Variants in HAS3 observed in about 807,000 individuals in gnomAD.
HAS3 encodes hyaluronan synthase 3.
A neutral mutation model predicts 50.3 loss-of-function variants in HAS3; 27 were observed. The ratio of observed to expected loss-of-function variants is 0.54; its 90% CI spans 0.40 to 0.74. HAS3 has a LOEUF of 0.74. Ranked by LOEUF, HAS3 falls within the 30% of genes least tolerant of loss-of-function variation. The pLI, the probability that HAS3 is intolerant of heterozygous loss-of-function variation, is 0.00. For missense variants in HAS3, 517 were observed against 742.8 expected (o/e 0.70, Z 3.53); for synonymous variants, 339 against 310.9 (o/e 1.09, Z -0.95).
In HAS3 at chr16:69,115,350, G is replaced by T; in HGVS notation, c.*84G>T. ...AGAGAAAAGACAGGGTGGGAGGGAGGAGGGAGTGCTGTGTTTTAGTCTCTT... is the reference window on the plus strand; with the variant it reads ...AGAGAAAAGACAGGGTGGGAGGGAGTAGGGAGTGCTGTGTTTTAGTCTCTT... On this transcript the variant is annotated 3_prime_UTR_variant, in exon 4 of 4. Transcript: ENST00000569188. The T allele has an allele frequency of 6.8e-7, 1 of 1,461,112 alleles. No homozygotes were observed. The highest frequency in any genetic ancestry group is 2.6e-5 in the Admixed American group (1 of 37,804). 90.5% of individuals were successfully genotyped at this position (1,461,112 alleles called of 1,614,324 possible).
At chr16:69,099,661 A>G in the HAS3 span, among the ~76,000 whole-genome samples, 1 of 152,230 alleles carries the variant, frequency 6.6e-6, no homozygotes, top group Non-Finnish European at 1.5e-5. Flanking sequence ...AACAACATAA[A>G]TGCAGGTATG....
the HAS3 span, among the ~76,000 whole-genome samples, chr16:69,090,578 T>C: frequency 6.6e-6 from 1 of 152,040 alleles, no homozygotes; most frequent in African/African-American, 2.4e-5. Flanking sequence ...TGAGCTAATT[T>C]TTTTTTTTAG....
rs1156372524 is a variant in HAS3 at position 69,115,651 on chromosome 16, C to T, written c.*385C>T. ...GGCAACCTGCGGAAGGAGGTTCTCC[C>T]AGCCCATCTGAACACAACCAGAGGT... is the stretch of plus-strand genomic sequence containing the variant. On this transcript the variant is annotated 3_prime_UTR_variant, in exon 4 of 4. Transcript: ENST00000569188. 2 of 1,001,634 alleles carry T rather than the reference C, an allele frequency of 2.0e-6. No homozygotes were observed. Among genetic ancestry groups the T allele is most frequent in the African/African-American group, 1.7e-5 (1 of 57,690 alleles). 62.0% of individuals were successfully genotyped at this position (1,001,634 alleles called of 1,614,324 possible). A position where few individuals can be genotyped will look rare whatever the true frequency, so the allele number is the denominator to read the frequency against.
At chr16:69,096,078 C>T in the HAS3 span, among the ~76,000 whole-genome samples, 10 of 150,832 alleles carry the variant, frequency 6.6e-5, no homozygotes, top group African/African-American at 2.4e-4. Context: ...TAGCCGGGCA[C>T]ACTGGTGCGT....
At chr16:69,105,341 A>C (rs1960762755), upstream of HAS3, among the ~76,000 whole-genome samples, 1 of 150,190 alleles carries the variant, frequency 6.7e-6, no homozygotes, top group Admixed American at 6.7e-5. Flanking sequence ...CCTCGATCTC[A>C]CCCCACCCCA....
At chr16:69,111,157 A>ATTTTTTTTTTTTTTTT (rs71148963) in intron 2 of HAS3, among the ~76,000 whole-genome samples, 2 of 62,304 alleles carry the variant, frequency 3.2e-5, no homozygotes, top group African/African-American at 7.3e-5. Flanking sequence ...CTAGGCCAGG[A>ATTTTTTTTTTTTTTTT]TTTTTTTTTT....
At chr16:69,083,748 C>T in the HAS3 span, 5 of 1,418,084 alleles carry the variant, frequency 3.5e-6, no homozygotes, top group Non-Finnish European at 4.7e-6. Context: ...CCTGCTGCCT[C>T]TTGAGTGCTG....
the HAS3 span, among the ~76,000 whole-genome samples, chr16:69,099,060 T>G: frequency 6.6e-6 from 1 of 151,730 alleles, no homozygotes; most frequent in African/African-American, 2.4e-5. Context: ...AAGCTCCGCC[T>G]CCCGGCTTCA....
At position 69,115,394 on chromosome 16, in the gene HAS3, T is replaced by C. The variant is rs1006188234; in HGVS notation, c.*128T>C. The C allele has an allele frequency of 2.2e-6, 3 of 1,393,034 alleles. No homozygotes were observed. The highest frequency in any genetic ancestry group is 1.8e-5 in the South Asian group (1 of 55,230). 86.3% of individuals were successfully genotyped at this position (1,393,034 alleles called of 1,614,324 possible). On this transcript the variant is annotated 3_prime_UTR_variant, in exon 4 of 4. Transcript: ENST00000569188. ...GTCTCTTAATGGTCCAAAGGACAAA[T>C]CTAAAATGCAAAGAACGGTGATGTA...
downstream of HAS3, chr16:69,117,938 A>C (rs1249191433): frequency 4.7e-6 from 1 of 212,852 alleles, no homozygotes; most frequent in African/African-American, 2.3e-5. Context: ...ACTGTAGCCA[A>C]GCTGAAACAA....
the HAS3 span, among the ~76,000 whole-genome samples, chr16:69,098,662 A>ATTTTTTTT: frequency 2.0e-5 from 2 of 98,192 alleles, no homozygotes; most frequent in African/African-American, 8.2e-5. Flanking sequence ...ATCAAACCTG[A>ATTTTTTTT]TTTTTTTTTT....
rs926961945 is a variant in HAS3 at position 69,106,132 on chromosome 16, G to A, written c.-1+345G>A. On this transcript the variant is annotated intron_variant, in intron 1 of 3. Coordinates refer to ENST00000569188, the MANE Select transcript of HAS3 (RefSeq NM_001199280.2). This position sits in a 1 kb window ranked among gnomAD's most constrained non-coding sequence, Gnocchi z 5.5. ...CGCCCGCGGGGGCCCTCCCACTCTG[G>A]TCAACTTTCCCGGCCCCAGGGCCGG... 1.3e-5 allele frequency: 2 copies of A among 152,110 alleles called. No individual in the cohort carries two copies. The highest frequency in any genetic ancestry group is 2.9e-5 in the Non-Finnish European group (2 of 68,034). 9.4% of individuals were successfully genotyped at this position (152,110 alleles called of 1,614,324 possible).
chr16:69,084,316 G>C, the HAS3 span: 3 of 152,342 alleles, frequency 2.0e-5, no homozygotes, highest in Non-Finnish European at 2.9e-5. Flanking sequence ...GACTCTTCCA[G>C]AGAAGAAGGG....
In HAS3 at chr16:69,114,900, C is replaced by T; in HGVS notation, c.1296C>T (p.Gly432=). The T allele has an allele frequency of 1.2e-6, 2 of 1,614,116 alleles. No homozygotes were observed. The highest frequency in any genetic ancestry group is 1.7e-6 in the Non-Finnish European group (2 of 1,180,034). The change falls in exon 4 of 4, where the codon GGC becomes GGT. Residue 432 remains glycine, a synonymous_variant. Coordinates refer to ENST00000569188, the MANE Select transcript of HAS3 (RefSeq NM_001199280.2). This position sits in a 1 kb window ranked among gnomAD's most constrained non-coding sequence, Gnocchi z 6.4. Reference sequence around the variant, plus strand: ...CCACCTACGCCTGCTTCCTTCGGGGCAATGCAGAGATGATCTTCATGTCCC... The same window carrying T: ...CCACCTACGCCTGCTTCCTTCGGGGTAATGCAGAGATGATCTTCATGTCCC... ...IKATYACFLR[G]NAEMIFMSLY... is the part of the protein sequence containing the mutation.
the HAS3 span, among the ~76,000 whole-genome samples, chr16:69,097,754 C>T: frequency 6.6e-6 from 1 of 152,170 alleles, no homozygotes; most frequent in Non-Finnish European, 1.5e-5. Context: ...GTGCCTCCCC[C>T]TCTTGCCCAG....
Position 69,115,483 on chromosome 16 carries a change from GA to G in HAS3, c.*218del. ...ATCCCCCAGATGCAGGGCTGCAGGG[GA>G]TTCTGTGTTTTCAGACTGCCTGTCT... On this transcript the variant is annotated 3_prime_UTR_variant, in exon 4 of 4. Coordinates refer to ENST00000569188, the MANE Select transcript of HAS3 (RefSeq NM_001199280.2). 1.6e-5 allele frequency: 20 copies of G among 1,265,960 alleles called. No individual in the cohort carries two copies. The highest frequency in any genetic ancestry group is 1.9e-5 in the Non-Finnish European group (19 of 1,008,212). 78.4% of individuals were successfully genotyped at this position (1,265,960 alleles called of 1,614,324 possible). A position where few individuals can be genotyped will look rare whatever the true frequency, so the allele number is the denominator to read the frequency against.
chr16:69,115,095 C>T lies in HAS3; in HGVS notation c.1491C>T (p.Tyr497=). ...WVAVLLGGLA[Y]TAYCQDLFSE... ...CAGTTCTCCTGGGAGGGCTGGCCTA[C>T]ACAGCTTATTGCCAGGACCTGTTCA... Residue 497 remains tyrosine (Y), a synonymous_variant, in exon 4 of 4, where the codon TAC becomes TAT. Coordinates refer to ENST00000569188, the MANE Select transcript of HAS3 (RefSeq NM_001199280.2). 3 of 1,612,876 alleles carry T rather than the reference C, an allele frequency of 1.9e-6. No homozygotes were observed. Among genetic ancestry groups the T allele is most frequent in the Non-Finnish European group, 2.5e-6 (3 of 1,179,304 alleles).
At position 69,107,755 on chromosome 16, in the gene HAS3, T is replaced by A. The variant is rs1370436422; in HGVS notation, c.1-1641T>A. 7.5e-5 allele frequency: 71 copies of A among 942,838 alleles called. No individual in the cohort carries two copies. Among genetic ancestry groups the A allele is most frequent in the Non-Finnish European group, 8.7e-5 (69 of 791,074 alleles). The allele number at this position is 942,838 out of a possible 1,614,324, so 58.4% of individuals were successfully genotyped here. On this transcript the variant is annotated intron_variant, in intron 1 of 3. Coordinates refer to ENST00000569188, the MANE Select transcript of HAS3 (RefSeq NM_001199280.2). The surrounding 1 kb of genome is among the most constrained non-coding windows in gnomAD (Gnocchi z 5.5). ...CTGCGGATGCAGGCCTGGGGACTCC[T>A]GGGCCGCAGGCGCGAGCAGTAGGGT... is the stretch of plus-strand genomic sequence containing the variant.
At chr16:69,096,534 CAAAAAAAAAAA>C in the HAS3 span, among the ~76,000 whole-genome samples, 322 of 35,350 alleles carry the variant, frequency 9.1e-3, no homozygotes, top group African/African-American at 0.036. Flanking sequence ...GACTCTGTCT[CAAAAAAAAAAA>C]AAAAAAAAAA....
Sources: gnomAD v4.1 joint callset for allele counts (sites outside exome capture counted in the v4.1 genomes callset) on GRCh38, gnomAD v4.1.1 for gene constraint, Gnocchi (gnomAD v3.1) non-coding constraint, MANE v1.5 for transcripts, NCBI Gene and HGNC (gene_info 2026-07-23, HGNC 2026-07-21) for gene names.